The following PTPRN2 variants were observed in gnomAD, a reference collection of about 807,000 sequenced individuals.
PTPRN2 encodes receptor-type tyrosine-protein phosphatase N2.
PTPRN2 carries 74 observed loss-of-function variants against 118.8 expected under a neutral mutation model. The observed-to-expected ratio is 0.62, with a 90% CI of 0.52 to 0.76. PTPRN2 has a LOEUF of 0.76. PTPRN2 is among the 30% of genes least tolerant of loss of function. The probability of loss-of-function intolerance (pLI) is 0.00; values close to 1 mark genes in which losing one functional copy is unlikely to be tolerated. For synonymous variants in PTPRN2, 641 were observed against 608.0 expected, an observed-to-expected ratio of 1.05 and a Z score of -0.80; for missense variants, 1,481 against 1,394.4, an observed-to-expected ratio of 1.06 and a Z score of -0.99.
intron 12 of PTPRN2, among the ~76,000 whole-genome samples, chr7:157,851,845 A>T (rs1809298825): frequency 6.6e-6 from 1 of 152,236 alleles, no homozygotes; most frequent in African/African-American, 2.4e-5. Flanking sequence ...TCTCTTTGGC[A>T]CAAAGCCTCA....
At chr7:158,507,576 G>A (rs1822848560) in intron 1 of PTPRN2, among the ~76,000 whole-genome samples, 1 of 149,718 alleles carries the variant, frequency 6.7e-6, no homozygotes, top group African/African-American at 2.5e-5. Context: ...GTGCTAGGCA[G>A]GAAATTGCAC....
chr7:158,175,139 G>A (rs1221669104), intron 5 of PTPRN2, among the ~76,000 whole-genome samples: 2 of 152,200 alleles, frequency 1.3e-5, no homozygotes, highest in African/African-American at 4.8e-5. Flanking sequence ...AAACAAATTA[G>A]GAAGCCCAAG....
At chr7:158,235,156 G>A (rs1345103255) in intron 3 of PTPRN2, among the ~76,000 whole-genome samples, 1 of 152,182 alleles carries the variant, frequency 6.6e-6, no homozygotes, top group Non-Finnish European at 1.5e-5. Flanking sequence ...ATGTAAATTA[G>A]CGCAGCCACT....
intron 5 of PTPRN2, among the ~76,000 whole-genome samples, chr7:158,169,353 A>G (rs1823315809): frequency 2.0e-5 from 3 of 150,606 alleles, no homozygotes; most frequent in Non-Finnish European, 4.4e-5. Flanking sequence ...TGCAGTTCTT[A>G]TGTCTCTGCC....
At chr7:157,923,039 G>A (rs900537078) in intron 11 of PTPRN2, among the ~76,000 whole-genome samples, 2 of 152,314 alleles carry the variant, frequency 1.3e-5, no homozygotes, top group African/African-American at 4.8e-5. Context: ...TTACTCAGGT[G>A]AACACATTTA....
intron 11 of PTPRN2, among the ~76,000 whole-genome samples, chr7:157,900,460 C>G (rs1797377548): frequency 6.6e-6 from 1 of 152,226 alleles, no homozygotes. Flanking sequence ...CATCCTTGAC[C>G]TCAACATCCA....
intron 10 of PTPRN2, among the ~76,000 whole-genome samples, chr7:158,085,772 C>T (rs545721710): frequency 9.0e-5 from 13 of 144,608 alleles, no homozygotes; most frequent in Admixed American, 2.7e-4. Context: ...ACACCCATGA[C>T]GCCCATCCAC....
In PTPRN2 at chr7:158,022,667, A is replaced by C. The variant is rs111378419; in HGVS notation, c.1723+58631T>G. Among the ~76,000 whole-genome samples, 31 of 129,868 alleles carry C rather than the reference A, an allele frequency of 2.4e-4. No individual in the cohort carries two copies. Among genetic ancestry groups the C allele is most frequent in the Non-Finnish European group, 2.9e-4 (17 of 58,614 alleles). 85.2% of individuals were successfully genotyped at this position (129,868 alleles called of 152,430 possible). On this transcript the variant is annotated intron_variant, in intron 11 of 22. Transcript: ENST00000389418. This position sits in a 1 kb window ranked among gnomAD's most constrained non-coding sequence, Gnocchi z 4.6. Reference sequence around the variant, plus strand: ...TGTAATGTGTTCATAGCCAAGGCCCAGGCACCTGGGCACTCTGTCTGGGGC... The same window carrying C: ...TGTAATGTGTTCATAGCCAAGGCCCCGGCACCTGGGCACTCTGTCTGGGGC...
At chr7:157,658,634 C>T (rs1339172058) in intron 13 of PTPRN2, among the ~76,000 whole-genome samples, 1 of 152,234 alleles carries the variant, frequency 6.6e-6, no homozygotes, top group Non-Finnish European at 1.5e-5. Context: ...CTTCAGGGTG[C>T]AGCCTGGGTG....
intron 2 of PTPRN2, among the ~76,000 whole-genome samples, chr7:158,329,123 C>T (rs528279653): frequency 4.6e-5 from 7 of 152,336 alleles, no homozygotes; most frequent in East Asian, 3.9e-4. Flanking sequence ...CCGAGGGAGG[C>T]GCACGACAGA....
At chr7:158,027,194 G>A (rs1807342400) in intron 11 of PTPRN2, among the ~76,000 whole-genome samples, 2 of 152,300 alleles carry the variant, frequency 1.3e-5, no homozygotes, top group South Asian at 4.2e-4. Flanking sequence ...CCAGGCCCTG[G>A]TCATCCTTCC....
intron 10 of PTPRN2, among the ~76,000 whole-genome samples, chr7:158,091,378 A>G (rs1040285613): frequency 6.6e-6 from 1 of 152,272 alleles, no homozygotes; most frequent in African/African-American, 2.4e-5. Context: ...TACAACCAAC[A>G]TAAAAGTAAA....
intron 12 of PTPRN2, among the ~76,000 whole-genome samples, chr7:157,754,591 C>T (rs1801672648): frequency 6.6e-6 from 1 of 152,266 alleles, no homozygotes; most frequent in Non-Finnish European, 1.5e-5. Context: ...AGGGTGGCTT[C>T]ATCACCACCT....
chr7:157,665,631 A>G (rs1278690607), intron 13 of PTPRN2, among the ~76,000 whole-genome samples: 1 of 128,916 alleles, frequency 7.8e-6, no homozygotes, highest in Non-Finnish European at 1.9e-5. Flanking sequence ...AACAATATAT[A>G]TGTGAACTAA....
intron 12 of PTPRN2, among the ~76,000 whole-genome samples, chr7:157,710,427 TG>T (rs1327785416): frequency 6.6e-6 from 1 of 151,998 alleles, no homozygotes; most frequent in African/African-American, 2.4e-5. Context: ...GCCAACACAG[TG>T]AGACCCCATC....
At chr7:158,503,408 C>T (rs959504756) in intron 1 of PTPRN2, among the ~76,000 whole-genome samples, 1 of 152,222 alleles carries the variant, frequency 6.6e-6, no homozygotes, top group Non-Finnish European at 1.5e-5. Context: ...TCATCTGACT[C>T]ACTGAAACAA....
chr7:157,808,369 C>T lies in PTPRN2; in HGVS notation c.1788+90304G>A, dbSNP rs1198494045. ...GGTGAGTGAGCGAGTGAAACTTTGT[C>T]GGTATTTATAGCCAGTCCCCATGGC... On this transcript the variant is annotated intron_variant, in intron 12 of 22. Transcript: ENST00000389418. This position sits in a 1 kb window ranked among gnomAD's most constrained non-coding sequence, Gnocchi z 5.0. Among the ~76,000 whole-genome samples the T allele has an allele frequency of 3.3e-5, 5 of 152,018 alleles. No homozygotes were observed. The highest frequency in any genetic ancestry group is 2.1e-4 in the South Asian group (1 of 4,820).
At chr7:157,747,435 G>T (rs1450316417) in intron 12 of PTPRN2, among the ~76,000 whole-genome samples, 1 of 95,646 alleles carries the variant, frequency 1.0e-5, no homozygotes. Flanking sequence ...TGGGCTGTCC[G>T]GGTGATTCTG....
chr7:157,624,593 C>G (rs114740741), intron 14 of PTPRN2, among the ~76,000 whole-genome samples: 113 of 152,316 alleles, frequency 7.4e-4, no homozygotes, highest in African/African-American at 2.6e-3. Flanking sequence ...TCATTGAACA[C>G]TGAACTGAAA....
Sources: gnomAD v4.1 joint callset for allele counts (sites outside exome capture counted in the v4.1 genomes callset) on GRCh38, gnomAD v4.1.1 for gene constraint, Gnocchi (gnomAD v3.1) non-coding constraint, MANE v1.5 for transcripts, NCBI Gene and HGNC (gene_info 2026-07-23, HGNC 2026-07-21) for gene names.